Variants in SLC5A12 observed in about 807,000 individuals in gnomAD.
SLC5A12 encodes the protein sodium-coupled monocarboxylate transporter 2.
SLC5A12 carries 46 observed loss-of-function variants against 72.7 expected under a neutral mutation model. The ratio of observed to expected loss-of-function variants is 0.63; its 90% CI spans 0.50 to 0.81. The LOEUF (loss-of-function observed/expected upper bound fraction) is 0.81, where lower values mean the gene tolerates loss of function less well. Ranked by LOEUF, SLC5A12 falls within the 30% of genes least tolerant of loss-of-function variation. SLC5A12 has a pLI of 0.00. For synonymous variants in SLC5A12, 275 were observed against 264.4 expected (o/e 1.04, Z -0.39); for missense variants, 683 against 740.7 (o/e 0.92, Z 0.90).
Position 26,670,788 on chromosome 11 carries a change from A to G in SLC5A12, c.*314T>C. On this transcript the variant is annotated 3_prime_UTR_variant, in exon 15 of 15. Transcript: ENST00000396005. ...TAAAACGAAAAACCTGAAGTTTAAT[A>G]TGACACCAAGCAAAAAGACTTCGCT... is the stretch of plus-strand genomic sequence containing the variant. 1 of 205,838 alleles carries G rather than the reference A, an allele frequency of 4.9e-6. No homozygotes were observed. 12.8% of individuals were successfully genotyped at this position (205,838 alleles called of 1,614,324 possible).
rs1854068412 is a variant in SLC5A12, at chr11:26,669,160, C to CTTTTCTTTCTTTCTTTCTTT, written c.*1941_*1942insAAAGAAAGAAAGAAAGAAAA. The CTTTTCTTTCTTTCTTTCTTT allele has an allele frequency of 3.1e-5, 3 of 98,108 alleles. No individual in the cohort carries two copies. Among genetic ancestry groups the CTTTTCTTTCTTTCTTTCTTT allele is most frequent in the Admixed American group, 9.7e-5 (1 of 10,278 alleles). 6.1% of individuals were successfully genotyped at this position (98,108 alleles called of 1,614,324 possible). A position where few individuals can be genotyped will look rare whatever the true frequency, so the allele number is the denominator to read the frequency against. ...TTCTTTCTGTCTCTCTCTTCCTCTTCCTGTCTTTTTCTTTCTTTCTTTCTT... is the reference window on the plus strand; with the variant it reads ...TTCTTTCTGTCTCTCTCTTCCTCTTCTTTTCTTTCTTTCTTTCTTTCTGTCTTTTTCTTTCTTTCTTTCTT... On this transcript the variant is annotated 3_prime_UTR_variant, in exon 15 of 15. Transcript: ENST00000396005.
intron 10 of SLC5A12, among the ~76,000 whole-genome samples, chr11:26,685,932 G>T (rs61877314): frequency 0.069 from 10,520 of 152,164 alleles, 498 homozygotes; most frequent in Non-Finnish European, 0.1. Context: ...GATAGGTGGA[G>T]GTGAGCAGAT....
intron 1 of SLC5A12, among the ~76,000 whole-genome samples, chr11:26,714,403 G>T (rs1855301511): frequency 6.6e-6 from 1 of 152,044 alleles, no homozygotes; most frequent in African/African-American, 2.4e-5. Flanking sequence ...TTATACTAAT[G>T]GAAGTAAAGT....
chr11:26,693,206 CTT>C (rs1395842027), intron 8 of SLC5A12, among the ~76,000 whole-genome samples: 1 of 152,152 alleles, frequency 6.6e-6, no homozygotes, highest in Non-Finnish European at 1.5e-5. Flanking sequence ...AGTTTGGAAA[CTT>C]TTTCCTTTGG....
chr11:26,674,534 G>T (rs891613503), intron 13 of SLC5A12, among the ~76,000 whole-genome samples: 1 of 151,944 alleles, frequency 6.6e-6, no homozygotes, highest in Non-Finnish European at 1.5e-5. Flanking sequence ...GGAGTAGCTG[G>T]GACTACAGGC....
intron 7 of SLC5A12, among the ~76,000 whole-genome samples, chr11:26,698,015 A>G (rs1246920933): frequency 2.0e-5 from 3 of 148,344 alleles, no homozygotes; most frequent in Admixed American, 1.4e-4. Context: ...CTCCTGCCTC[A>G]GCCTCTTGAG....
chr11:26,697,296 A>C, intron 7 of SLC5A12, 44 bp from the exon 8 acceptor site: 1 of 1,533,772 alleles, frequency 6.5e-7, no homozygotes, highest in Non-Finnish European at 8.9e-7. Flanking sequence ...AAAAGAAGAA[A>C]GAAAGAAAAG....
Position 26,681,098 on chromosome 11 carries a change from T to C in SLC5A12, c.1432A>G (p.Lys478Glu). 1 of 1,610,502 alleles carries C rather than the reference T, an allele frequency of 6.2e-7. No homozygotes were observed. The highest frequency in any genetic ancestry group is 8.5e-7 in the Non-Finnish European group (1 of 1,178,198). The change falls in exon 12 of 15, where the codon AAA (lysine) becomes GAA (glutamate). Residue 478 changes from lysine (K) to glutamate (E), a missense_variant. Physicochemically the swap from Lys to Glu is moderately conservative, Grantham distance 56. Coordinates refer to ENST00000396005, the MANE Select transcript of SLC5A12 (RefSeq NM_178498.4). ...GGCCCTGTTGCTGTCACATTTGATT[T>C]GATACATTGGTCTGTTGACAGAGGC... Reference protein sequence around the residue: ...PLPLSTDQCIKSNVTATGPPV... With the variant: ...PLPLSTDQCIESNVTATGPPV...
chr11:26,715,170 A>G (rs1855321339), intron 1 of SLC5A12, among the ~76,000 whole-genome samples: 1 of 152,180 alleles, frequency 6.6e-6, no homozygotes, highest in African/African-American at 2.4e-5. Flanking sequence ...TGCCAGGTAC[A>G]GAGCTAGGGC....
At chr11:26,676,586 T>A (rs1395228189) in intron 13 of SLC5A12, among the ~76,000 whole-genome samples, 1 of 152,164 alleles carries the variant, frequency 6.6e-6, no homozygotes, top group East Asian at 1.9e-4. Flanking sequence ...GATAATGGGA[T>A]GTTTTGGCCA....
intron 13 of SLC5A12, among the ~76,000 whole-genome samples, chr11:26,676,629 T>C (rs1191276640): frequency 1.3e-5 from 2 of 152,186 alleles, no homozygotes; most frequent in African/African-American, 2.4e-5. Flanking sequence ...TTGTTCTTGA[T>C]TTAGGAAATG....
chr11:26,699,044 G>C (rs1854895981), intron 6 of SLC5A12, among the ~76,000 whole-genome samples: 1 of 152,142 alleles, frequency 6.6e-6, no homozygotes, highest in Middle Eastern at 3.2e-3. Context: ...AAAGACAACA[G>C]AAAGTACAAA....
At position 26,696,429 on chromosome 11, in the gene SLC5A12, T is replaced by C. The variant is rs563508400; in HGVS notation, c.1040+735A>G. On this transcript the variant is annotated intron_variant, in intron 8 of 14. Transcript: ENST00000396005. ...GAATGCAAAGAATAGATGTGCAGAA[T>C]ATATAGCCATGCATTGGTTAATAGC... Among the ~76,000 whole-genome samples, 7 of 152,344 alleles carry C rather than the reference T, an allele frequency of 4.6e-5. No individual in the cohort carries two copies. The East Asian group carries it at 1.3e-3, about 29-fold the overall frequency.
At chr11:26,689,459 G>A (rs1318950655) in intron 9 of SLC5A12, among the ~76,000 whole-genome samples, 3 of 152,044 alleles carry the variant, frequency 2.0e-5, no homozygotes, top group African/African-American at 7.2e-5. Context: ...TTCTAGAAGA[G>A]GTAAAACTAA....
chr11:26,694,866 A>G (rs375421721), intron 8 of SLC5A12, among the ~76,000 whole-genome samples: 1 of 152,262 alleles, frequency 6.6e-6, no homozygotes, highest in South Asian at 2.1e-4. Context: ...TCAAATATAA[A>G]TAATACCTTT....
In SLC5A12 at chr11:26,692,691, A is replaced by T. The variant is rs768963554; in HGVS notation, c.1041-90T>A. On this transcript the variant is annotated intron_variant, in intron 8 of 14. Coordinates refer to ENST00000396005, the MANE Select transcript of SLC5A12 (RefSeq NM_178498.4). ...CTTGTCCAGGGCAGATAGATAAGGC[A>T]GGCCTCTAGAAAAAACAGATGCAGA... is the stretch of plus-strand genomic sequence containing the variant. The T allele has an allele frequency of 2.6e-4, 207 of 792,376 alleles. 1 individual carries two copies. In the Middle Eastern group the frequency reaches 3.8e-3, roughly 14 times the overall value. 49.1% of individuals were successfully genotyped at this position (792,376 alleles called of 1,614,324 possible). A position where few individuals can be genotyped will look rare whatever the true frequency, so the allele number is the denominator to read the frequency against.
chr11:26,675,030 A>G (rs1469983096), intron 13 of SLC5A12, among the ~76,000 whole-genome samples: 2 of 152,206 alleles, frequency 1.3e-5, no homozygotes, highest in South Asian at 2.1e-4. Context: ...ATGTGTGCGT[A>G]TGTGTGAGTG....
rs1854034085 is a variant in SLC5A12, at chr11:26,667,800, G to A, written c.*3302C>T. On this transcript the variant is annotated 3_prime_UTR_variant, in exon 15 of 15. Transcript: ENST00000396005. ...AAAAAAACTACTCTTTGGAAATTTA[G>A]GCATGACTTTTAATGTATACATTCT... The A allele has an allele frequency of 6.6e-6, 1 of 151,212 alleles. No homozygotes were observed. The highest frequency in any genetic ancestry group is 2.4e-5 in the African/African-American group (1 of 41,134). The allele number at this position is 151,212 out of a possible 1,614,324, so 9.4% of individuals were successfully genotyped here.
chr11:26,712,177 G>A (rs1855245410), intron 2 of SLC5A12, among the ~76,000 whole-genome samples: 1 of 152,008 alleles, frequency 6.6e-6, no homozygotes, highest in South Asian at 2.1e-4. Flanking sequence ...GGGGGGGTGG[G>A]AAAGGAGTTC....
Sources: allele counts gnomAD v4.1 joint callset (sites outside exome capture counted in the v4.1 genomes callset), GRCh38; gene constraint gnomAD v4.1.1; transcripts MANE v1.5; gene names NCBI Gene and HGNC (gene_info 2026-07-23, HGNC 2026-07-21).